HADH: variants seen among roughly 807,000 people sequenced by gnomAD.
HADH encodes hydroxyacyl-CoA dehydrogenase.
Under a neutral mutation model 32.2 loss-of-function variants are expected in HADH, and 24 were observed. The ratio of observed to expected loss-of-function variants is 0.75; its 90% CI spans 0.54 to 1.05. The LOEUF is 1.05. HADH is among the 50% of genes least tolerant of loss of function. The pLI, the probability that HADH is intolerant of heterozygous loss-of-function variation, is 0.00. For synonymous variants in HADH, 139 were observed against 152.5 expected (o/e 0.91, Z 0.65); for missense variants, 350 against 397.1 (o/e 0.88, Z 1.01).
At chr4:108,005,339 G>T (rs185258580) in intron 1 of HADH, 353 of 160,560 alleles carry the variant, frequency 2.2e-3, no homozygotes, top group Non-Finnish European at 3.6e-3. Flanking sequence ...GCCAAGTGAA[G>T]CCACAGTGTC....
intron 3 of HADH, among the ~76,000 whole-genome samples, chr4:108,017,206 G>A (rs527754270): frequency 3.3e-5 from 5 of 152,256 alleles, no homozygotes; most frequent in South Asian, 4.2e-4. Flanking sequence ...GATACATTTC[G>A]GGTTGGAAGC....
intron 5 of HADH, chr4:108,027,344 A>G (rs1736101224): frequency 2.5e-6 from 1 of 392,234 alleles, no homozygotes. Flanking sequence ...ATGATGAAAC[A>G]GATTCAGAGT....
chr4:107,990,772 G>T (rs1734764244), intron 1 of HADH, among the ~76,000 whole-genome samples: 1 of 128,702 alleles, frequency 7.8e-6, no homozygotes, highest in Admixed American at 8.7e-5. Flanking sequence ...TTTTTGAGTC[G>T]GAGTCTCTTT....
chr4:108,013,487 A>G lies in HADH; in HGVS notation c.262-944A>G, dbSNP rs531136128. 4.6e-5 allele frequency among the ~76,000 whole-genome samples: 7 copies of G among 152,134 alleles called. No individual in the cohort carries two copies. In the South Asian group the frequency reaches 8.3e-4, roughly 18 times the overall value. ...TCAAGTTGCTCAGCTCTGGCTAGCTACTCCTCAGAAGTCTATACTCCTGAG... is the reference window on the plus strand; with the variant it reads ...TCAAGTTGCTCAGCTCTGGCTAGCTGCTCCTCAGAAGTCTATACTCCTGAG... On this transcript the variant is annotated intron_variant, in intron 2 of 7. Transcript: ENST00000309522.
intron 4 of HADH, among the ~76,000 whole-genome samples, chr4:108,019,886 G>A (rs1377377098): frequency 6.6e-6 from 1 of 152,182 alleles, no homozygotes; most frequent in Non-Finnish European, 1.5e-5. Context: ...TTAACTTTGT[G>A]GAATGTCATT....
chr4:108,014,844 A>G (rs1023741492), intron 3 of HADH, among the ~76,000 whole-genome samples: 1 of 152,094 alleles, frequency 6.6e-6, no homozygotes, highest in Admixed American at 6.6e-5. Flanking sequence ...CCCTCTGTAC[A>G]TCCATGGGTA....
chr4:108,003,596 C>T (rs1308976467), intron 1 of HADH, among the ~76,000 whole-genome samples: 1 of 152,118 alleles, frequency 6.6e-6, no homozygotes, highest in Non-Finnish European at 1.5e-5. Flanking sequence ...TCCTTTTCTT[C>T]CTCCCTTTTT....
At chr4:108,032,450 T>TG in intron 6 of HADH, 1 of 848,884 alleles carries the variant, frequency 1.2e-6, no homozygotes, top group Non-Finnish European at 2.0e-6. Flanking sequence ...CCCAAAAAAC[T>TG]GGGGGAAAGA....
In HADH at chr4:108,033,392, G is replaced by T. The variant is rs368872183; in HGVS notation, c.826+100G>T. 7.3e-5 allele frequency: 56 copies of T among 762,672 alleles called. No individual in the cohort carries two copies. The African/African-American group carries it at 7.8e-4, about 11-fold the overall frequency. The allele number at this position is 762,672 out of a possible 1,614,324, so 47.2% of individuals were successfully genotyped here. ...AAAAGTTAGCAGGGGTCTTAATAAA[G>T]ACCTTCCAAAATCCTGCCTCACCAG... On this transcript the variant is annotated intron_variant, in intron 7 of 7. Coordinates refer to ENST00000309522, the MANE Select transcript of HADH (RefSeq NM_005327.7).
At chr4:108,030,666 G>A (rs931969168) in intron 6 of HADH, 6 of 152,240 alleles carry the variant, frequency 3.9e-5, no homozygotes, top group Non-Finnish European at 7.3e-5. Context: ...TAACTGGAGG[G>A]AGGTAGGAGA....
At chr4:108,017,590 G>T (rs1175093857) in intron 3 of HADH, among the ~76,000 whole-genome samples, 9 of 148,120 alleles carry the variant, frequency 6.1e-5, no homozygotes, top group Admixed American at 3.4e-4. Flanking sequence ...GTCTCGCTCT[G>T]TCGCCCAGGC....
At chr4:108,004,837 C>T (rs1162561519) in intron 1 of HADH, 2 of 1,535,924 alleles carry the variant, frequency 1.3e-6, no homozygotes, top group Non-Finnish European at 1.7e-6. Flanking sequence ...GAGGAAGGAA[C>T]ATGACCCTGC....
intron 1 of HADH, among the ~76,000 whole-genome samples, 160 bp downstream of exon 1, chr4:107,990,224 G>T (rs918545596): frequency 1.3e-5 from 2 of 152,188 alleles, no homozygotes; most frequent in African/African-American, 2.4e-5. Context: ...GTCTGGGCCT[G>T]TGAGGGCCCA....
intron 3 of HADH, among the ~76,000 whole-genome samples, chr4:108,016,032 A>G (rs1031753895): frequency 2.6e-5 from 4 of 152,010 alleles, no homozygotes; most frequent in Non-Finnish European, 5.9e-5. Context: ...TCCTGTTTTG[A>G]GCTTCATCTG....
At chr4:107,992,585 A>G (rs1734846421) in intron 1 of HADH, among the ~76,000 whole-genome samples, 1 of 152,130 alleles carries the variant, frequency 6.6e-6, no homozygotes, top group Non-Finnish European at 1.5e-5. Context: ...AAGAAGTTGG[A>G]TGGTCTGCAT....
At chr4:108,032,122 TCC>T in intron 6 of HADH, 12 of 293,410 alleles carry the variant, frequency 4.1e-5, no homozygotes, top group South Asian at 1.5e-4. Flanking sequence ...TTAACATTTT[TCC>T]CTCTTTTCTT....
At chr4:108,021,860 T>C (rs1415508213) in intron 4 of HADH, among the ~76,000 whole-genome samples, 1 of 152,186 alleles carries the variant, frequency 6.6e-6, no homozygotes, top group Non-Finnish European at 1.5e-5. Context: ...CTTCACTGTG[T>C]CTTTTCCTGT....
At chr4:108,006,704 A>G (rs561177265) in intron 1 of HADH, among the ~76,000 whole-genome samples, 1 of 152,112 alleles carries the variant, frequency 6.6e-6, no homozygotes, top group African/African-American at 2.4e-5. Context: ...CACTTTGAGA[A>G]CCCTTGTCCT....
At chr4:108,023,707 C>T (rs1429525863) in intron 5 of HADH, 144 bp downstream of exon 5, 2 of 695,282 alleles carry the variant, frequency 2.9e-6, no homozygotes, top group Non-Finnish European at 2.7e-6. Context: ...AAAGAGCAAT[C>T]CGTGCCTCCT....
Sources: allele counts gnomAD v4.1 joint callset (sites outside exome capture counted in the v4.1 genomes callset), GRCh38; gene constraint gnomAD v4.1.1; transcripts MANE v1.5; gene names NCBI Gene and HGNC (gene_info 2026-07-23, HGNC 2026-07-21).